The following GABRB2 variants were observed in gnomAD, a reference collection of about 807,000 sequenced individuals.
GABRB2 encodes the protein gamma-aminobutyric acid receptor subunit beta-2.
A neutral mutation model predicts 54.7 loss-of-function variants in GABRB2; 16 were observed. That is an observed-to-expected ratio of 0.29 (90% CI 0.20 to 0.44). The LOEUF (loss-of-function observed/expected upper bound fraction) is 0.44. Among genes scored for constraint, GABRB2 ranks in the 20% least tolerant of loss-of-function variants. The probability of loss-of-function intolerance (pLI) is 1.00; values close to 1 mark genes in which losing one functional copy is unlikely to be tolerated. For synonymous variants in GABRB2, 244 were observed against 233.8 expected (o/e 1.04, Z -0.40); for missense variants, 355 against 644.0 (o/e 0.55, Z 4.86).
At chr5:161,418,994 G>A (rs1364507331) in intron 4 of GABRB2, among the ~76,000 whole-genome samples, 1 of 152,122 alleles carries the variant, frequency 6.6e-6, no homozygotes, top group African/African-American at 2.4e-5. Flanking sequence ...GGGCATGGTG[G>A]CATATGCCTG....
chr5:161,363,701 C>G (rs1257599102), intron 5 of GABRB2, among the ~76,000 whole-genome samples: 1 of 151,390 alleles, frequency 6.6e-6, no homozygotes, highest in Non-Finnish European at 1.5e-5. Context: ...TGCCCTGCCT[C>G]AAAAAAACAA....
At chr5:161,522,369 C>T (rs767230942) in intron 3 of GABRB2, among the ~76,000 whole-genome samples, 2 of 151,670 alleles carry the variant, frequency 1.3e-5, no homozygotes, top group Non-Finnish European at 3.0e-5. Flanking sequence ...CCTGCAGGCA[C>T]GATACCTTGG....
intron 5 of GABRB2, among the ~76,000 whole-genome samples, chr5:161,363,079 G>T (rs562898337): frequency 3.7e-4 from 56 of 152,226 alleles, no homozygotes; most frequent in African/African-American, 1.3e-3. Flanking sequence ...ACATGCACAC[G>T]TATGTTAATT....
intron 3 of GABRB2, among the ~76,000 whole-genome samples, chr5:161,491,893 GAGGC>G (rs1474260566): frequency 6.6e-6 from 1 of 151,610 alleles, no homozygotes. Context: ...TGAGTAACAA[GAGGC>G]AGTGACATAT....
intron 5 of GABRB2, among the ~76,000 whole-genome samples, chr5:161,339,893 T>TC (rs1754105555): frequency 6.6e-6 from 1 of 151,974 alleles, no homozygotes; most frequent in Non-Finnish European, 1.5e-5. Flanking sequence ...AGCATTTTTT[T>TC]CCCACTGCAT....
At chr5:161,485,342 T>C (rs897464241) in intron 3 of GABRB2, among the ~76,000 whole-genome samples, 3 of 151,990 alleles carry the variant, frequency 2.0e-5, no homozygotes, top group Non-Finnish European at 2.9e-5. Flanking sequence ...GTCTGCCATA[T>C]TCAGCCTATA....
At chr5:161,301,410 C>G (rs1437350560) in intron 9 of GABRB2, among the ~76,000 whole-genome samples, 1 of 151,972 alleles carries the variant, frequency 6.6e-6, no homozygotes. Flanking sequence ...AACCACTAAA[C>G]TTTCTTTCTT....
At chr5:161,323,091 C>G (rs541801262) in intron 9 of GABRB2, among the ~76,000 whole-genome samples, 1 of 148,400 alleles carries the variant, frequency 6.7e-6, no homozygotes, top group Non-Finnish European at 1.5e-5. Context: ...GTGGTGCGAT[C>G]TCGTCTCACT....
intron 3 of GABRB2, among the ~76,000 whole-genome samples, chr5:161,502,749 A>C (rs1759490568): frequency 6.6e-6 from 1 of 152,206 alleles, no homozygotes; most frequent in Non-Finnish European, 1.5e-5. Context: ...AGGAAGAAAA[A>C]AGATTAAGAT....
At chr5:161,487,096 C>T (rs1758948677) in intron 3 of GABRB2, among the ~76,000 whole-genome samples, 1 of 151,904 alleles carries the variant, frequency 6.6e-6, no homozygotes, top group Admixed American at 6.6e-5. Context: ...TCTAGGTCTG[C>T]CTGCCTTTGT....
intron 6 of GABRB2, 139 bp downstream of exon 6, chr5:161,336,492 CA>C: frequency 1.0e-6 from 1 of 994,488 alleles, no homozygotes; most frequent in Non-Finnish European, 1.4e-6. Flanking sequence ...CAATAGACTT[CA>C]TGGGAAACTG....
chr5:161,509,307 C>T (rs1261409146), intron 3 of GABRB2, among the ~76,000 whole-genome samples: 1 of 151,944 alleles, frequency 6.6e-6, no homozygotes, highest in African/African-American at 2.4e-5. Flanking sequence ...TCTACCATTT[C>T]TTCATATTTT....
intron 9 of GABRB2, among the ~76,000 whole-genome samples, chr5:161,316,390 A>G (rs946450610): frequency 5.9e-5 from 9 of 152,298 alleles, no homozygotes; most frequent in African/African-American, 1.9e-4. Flanking sequence ...CTTTGTCTAA[A>G]TGTGTCACTG....
intron 3 of GABRB2, among the ~76,000 whole-genome samples, chr5:161,495,794 GCA>G (rs1226947493): frequency 5.3e-5 from 8 of 152,190 alleles, no homozygotes; most frequent in African/African-American, 1.9e-4. Flanking sequence ...TGAGGTGGCA[GCA>G]CACAAGAAAG....
At position 161,488,165 on chromosome 5, in the gene GABRB2, A is replaced by G. The variant is rs138184618; in HGVS notation, c.238-28321T>C. Reference sequence around the variant, plus strand: ...AAATGATTTGGATGAAAAGTGGAGGACCCTAGAGAGAATGGAATAGAAAAA... The same window carrying G: ...AAATGATTTGGATGAAAAGTGGAGGGCCCTAGAGAGAATGGAATAGAAAAA... On this transcript the variant is annotated intron_variant, in intron 3 of 9. Transcript: ENST00000393959. Among the ~76,000 whole-genome samples, 12 of 151,502 alleles carry G rather than the reference A, an allele frequency of 7.9e-5. No individual in the cohort carries two copies. In the East Asian group the frequency reaches 2.3e-3, roughly 30 times the overall value.
chr5:161,330,334 T>C (rs1753795820), intron 8 of GABRB2: 1 of 152,382 alleles, frequency 6.6e-6, no homozygotes, highest in Admixed American at 6.5e-5. Context: ...TCTTATGTTC[T>C]TCTGATCGCT....
At chr5:161,547,675 G>T (rs1277242361), upstream of GABRB2, among the ~76,000 whole-genome samples, 2 of 152,126 alleles carry the variant, frequency 1.3e-5, no homozygotes, top group African/African-American at 2.4e-5. Context: ...TTTGCATGAG[G>T]GGGAGATGGG....
chr5:161,410,771 G>A (rs1051313357), intron 5 of GABRB2, among the ~76,000 whole-genome samples: 1 of 152,042 alleles, frequency 6.6e-6, no homozygotes, highest in Non-Finnish European at 1.5e-5. Context: ...TATCTCTCGC[G>A]AAGAGTTAGA....
At chr5:161,305,142 G>A (rs940016170) in intron 9 of GABRB2, among the ~76,000 whole-genome samples, 1 of 148,856 alleles carries the variant, frequency 6.7e-6, no homozygotes, top group African/African-American at 2.5e-5. Flanking sequence ...TCAGCCTCCC[G>A]AGTAGCTGGG....
Sources: allele counts gnomAD v4.1 joint callset (sites outside exome capture counted in the v4.1 genomes callset), GRCh38; gene constraint gnomAD v4.1.1; transcripts MANE v1.5; gene names NCBI Gene and HGNC (gene_info 2026-07-23, HGNC 2026-07-21).